Variants in CNTNAP3 observed in about 807,000 individuals in gnomAD.
The protein encoded by CNTNAP3 is contactin-associated protein-like 3.
Under a neutral mutation model 92.1 loss-of-function variants are expected in CNTNAP3, and 36 were observed. The observed-to-expected ratio is 0.39, with a 90% CI of 0.30 to 0.52. The LOEUF (loss-of-function observed/expected upper bound fraction) is 0.52, where lower values mean the gene tolerates loss of function less well. CNTNAP3 is among the 20% of genes least tolerant of loss of function. The probability of loss-of-function intolerance (pLI) is 0.76; values close to 1 mark genes in which losing one functional copy is unlikely to be tolerated. For synonymous variants in CNTNAP3, 232 were observed against 422.3 expected (o/e 0.55, Z 5.53); for missense variants, 534 against 1,069.6 (o/e 0.50, Z 6.98).
At chr9:39,107,808 T>A (rs1455116871) in intron 15 of CNTNAP3, among the ~76,000 whole-genome samples, 1 of 152,154 alleles carries the variant, frequency 6.6e-6, no homozygotes, top group African/African-American at 2.4e-5. Flanking sequence ...TGAAACAAAG[T>A]ATTCAAAGCA....
At chr9:39,118,525 T>C (rs1202465301) in intron 13 of CNTNAP3, among the ~76,000 whole-genome samples, 1 of 152,142 alleles carries the variant, frequency 6.6e-6, no homozygotes, top group Non-Finnish European at 1.5e-5. Context: ...ATGTGATACA[T>C]ACTTTCTATA....
At chr9:39,149,381 G>A (rs1308364763) in intron 10 of CNTNAP3, among the ~76,000 whole-genome samples, 1 of 151,006 alleles carries the variant, frequency 6.6e-6, no homozygotes, top group Non-Finnish European at 1.5e-5. Flanking sequence ...ACGCAGTCTC[G>A]CTCTGTCGCC....
rs1405282062 is a variant in CNTNAP3 at position 39,069,350 on chromosome 9, A to C, written c.*4540T>G. Among the ~76,000 whole-genome samples the C allele has an allele frequency of 6.6e-6, 1 of 152,298 alleles. No individual in the cohort carries two copies. Among genetic ancestry groups the C allele is most frequent in the East Asian group, 1.9e-4 (1 of 5,208 alleles). Reference sequence around the variant, plus strand: ...GTTAAAATGTGATATGAGTCATACAAAGTGCTCATGCAGTCACAGAGGTTC... The same window carrying C: ...GTTAAAATGTGATATGAGTCATACACAGTGCTCATGCAGTCACAGAGGTTC... On this transcript the variant is annotated 3_prime_UTR_variant, in exon 24 of 24. Transcript: ENST00000297668.
At chr9:39,127,988 G>A (rs1292625742) in intron 13 of CNTNAP3, among the ~76,000 whole-genome samples, 31 of 152,124 alleles carry the variant, frequency 2.0e-4, no homozygotes, top group African/African-American at 7.0e-4. Context: ...ATAGGTGTGC[G>A]CCACCACGCC....
chr9:39,127,163 A>G (rs1821171571), intron 13 of CNTNAP3, among the ~76,000 whole-genome samples: 4 of 152,240 alleles, frequency 2.6e-5, no homozygotes, highest in African/African-American at 9.6e-5. Flanking sequence ...TAAATAAGCT[A>G]CAGGTCAAAG....
chr9:39,092,562 T>A (rs1191180420), intron 18 of CNTNAP3, among the ~76,000 whole-genome samples: 10 of 137,636 alleles, frequency 7.3e-5, no homozygotes, highest in Non-Finnish European at 1.1e-4. Context: ...ATTATTTTCA[T>A]CTCATTGTGT....
At chr9:39,089,696 T>C (rs907490701) in intron 18 of CNTNAP3, among the ~76,000 whole-genome samples, 1 of 149,310 alleles carries the variant, frequency 6.7e-6, no homozygotes, top group African/African-American at 2.4e-5. Context: ...TATGAGGGTT[T>C]TAATATCTCC....
chr9:39,120,586 C>T (rs1820994718), intron 13 of CNTNAP3, among the ~76,000 whole-genome samples: 1 of 152,018 alleles, frequency 6.6e-6, no homozygotes, highest in Admixed American at 6.6e-5. Flanking sequence ...AGGAGAATGG[C>T]GTGAACCCGG....
chr9:39,144,265 G>C lies in CNTNAP3; in HGVS notation c.1731C>G (p.Gly577=). 6.3e-7 allele frequency: 1 copy of C among 1,588,974 alleles called. No individual in the cohort carries two copies. Among genetic ancestry groups the C allele is most frequent in the South Asian group, 1.1e-5 (1 of 87,586 alleles). ...DTFSCDCLGT[G]YTGETCHSSL... ...AGGAATGGCAGGTCTCGCCCGTATAGCCTGTGCCTAGACAGTCACAGGAGA... is the reference window on the plus strand; with the variant it reads ...AGGAATGGCAGGTCTCGCCCGTATACCCTGTGCCTAGACAGTCACAGGAGA... The change falls in exon 11 of 24, where the codon GGC becomes GGG. Residue 577 remains glycine, a synonymous_variant. Transcript: ENST00000297668.
intron 13 of CNTNAP3, among the ~76,000 whole-genome samples, chr9:39,124,207 GTGT>G (rs1320983358): frequency 1.3e-5 from 2 of 152,144 alleles, no homozygotes; most frequent in Non-Finnish European, 2.9e-5. Flanking sequence ...AAGTGGAATA[GTGT>G]TGTTTGAAAG....
intron 13 of CNTNAP3, among the ~76,000 whole-genome samples, chr9:39,118,868 C>T (rs1820933736): frequency 6.6e-6 from 1 of 152,166 alleles, no homozygotes; most frequent in Non-Finnish European, 1.5e-5. Context: ...AAACAAAGTG[C>T]CCTGGGTCAA....
rs546375196 is a variant in CNTNAP3 at position 39,094,632 on chromosome 9, CTA to C, written c.2995+5277_2995+5278del. On this transcript the variant is annotated intron_variant, in intron 18 of 23. Coordinates refer to ENST00000297668, the MANE Select transcript of CNTNAP3 (RefSeq NM_033655.5). Reference sequence around the variant, plus strand: ...CCCTATTGAATGATCTTGACAAAGACTATGTTAAACATCAATTGACTGTATGT... The same window carrying C: ...CCCTATTGAATGATCTTGACAAAGACTGTTAAACATCAATTGACTGTATGT... Among the ~76,000 whole-genome samples, 389 of 151,644 alleles carry C rather than the reference CTA, an allele frequency of 2.6e-3. 1 individual carries two copies. The highest frequency in any genetic ancestry group is 8.7e-3 in the African/African-American group (362 of 41,492).
chr9:39,081,406 C>G (rs1587696034), intron 21 of CNTNAP3, among the ~76,000 whole-genome samples: 2 of 151,400 alleles, frequency 1.3e-5, no homozygotes, highest in Non-Finnish European at 2.9e-5. Context: ...TGGGCTTTCT[C>G]AACTTCGGGG....
chr9:39,126,548 A>G (rs1821157745), intron 13 of CNTNAP3, among the ~76,000 whole-genome samples: 2 of 152,198 alleles, frequency 1.3e-5, no homozygotes, highest in Non-Finnish European at 2.9e-5. Context: ...ATCCTTAAAA[A>G]ATATTAGCAA....
chr9:39,119,508 G>A (rs562027873), intron 13 of CNTNAP3, among the ~76,000 whole-genome samples: 26 of 151,958 alleles, frequency 1.7e-4, no homozygotes, highest in Non-Finnish European at 3.7e-4. Context: ...AAAAGTTACC[G>A]ACTTCACCAT....
intron 21 of CNTNAP3, among the ~76,000 whole-genome samples, chr9:39,084,202 T>TTTG (rs1173995376): frequency 1.4e-4 from 18 of 127,140 alleles, no homozygotes; most frequent in Non-Finnish European, 2.6e-4. Context: ...AAGTTTTTTT[T>TTTG]TTTTTTTTTT....
intron 10 of CNTNAP3, among the ~76,000 whole-genome samples, chr9:39,146,340 AC>A (rs1303252178): frequency 6.6e-6 from 1 of 152,110 alleles, no homozygotes; most frequent in Admixed American, 6.5e-5. Flanking sequence ...CATGTGGTAT[AC>A]AGGGCAAACC....
intron 13 of CNTNAP3, among the ~76,000 whole-genome samples, chr9:39,119,923 A>C (rs1454939880): frequency 6.6e-6 from 1 of 152,158 alleles, no homozygotes; most frequent in Non-Finnish European, 1.5e-5. Context: ...ATCTAACCTG[A>C]CCAAAAAAGA....
At position 39,099,924 on chromosome 9, in the gene CNTNAP3, C is replaced by T. The variant is rs145176253; in HGVS notation, c.2982G>A (p.Pro994=). ...GGTCACACTTACCATTGGAGCAGAACGGCCCATCATAGGCTGAGAAGGCAC... is the reference window on the plus strand; with the variant it reads ...GGTCACACTTACCATTGGAGCAGAATGGCCCATCATAGGCTGAGAAGGCAC... ...CDCAFSAYDG[P]FCSNEISAYF... Residue 994 remains proline, a synonymous_variant, in exon 18 of 24, where the codon CCG becomes CCA. Coordinates refer to ENST00000297668, the MANE Select transcript of CNTNAP3 (RefSeq NM_033655.5). The T allele has an allele frequency of 3.3e-4, 536 of 1,611,378 alleles. 4 individuals carry two copies. Among genetic ancestry groups the T allele is most frequent in the Non-Finnish European group, 4.0e-4 (473 of 1,179,558 alleles).
Sources: gnomAD v4.1 joint callset for allele counts (sites outside exome capture counted in the v4.1 genomes callset) on GRCh38, gnomAD v4.1.1 for gene constraint, MANE v1.5 for transcripts, NCBI Gene and HGNC (gene_info 2026-07-23, HGNC 2026-07-21) for gene names.